PCDH9: variants seen among roughly 807,000 people sequenced by gnomAD.
PCDH9 encodes the protein protocadherin 9.
In PCDH9, 24 loss-of-function variants were observed where a neutral mutation model predicts 70.6. That is an observed-to-expected ratio of 0.34 (90% confidence interval 0.25 to 0.48). The LOEUF is 0.48. Ranked by LOEUF, PCDH9 falls within the 20% of genes least tolerant of loss-of-function variation. PCDH9 has a pLI of 0.99. For synonymous variants in PCDH9, 562 were observed against 558.5 expected, an observed-to-expected ratio of 1.01 and a Z score of -0.09; for missense variants, 1,281 against 1,503.6, an observed-to-expected ratio of 0.85 and a Z score of 2.45.
chr13:66,306,358 C>G (rs1432459947), intron 4 of PCDH9: 1 of 150,144 alleles, frequency 6.7e-6, no homozygotes, highest in South Asian at 2.1e-4. Flanking sequence ...AGACAGGAAA[C>G]AGTTGATGGT....
chr13:66,740,510 T>C (rs1331385738), intron 3 of PCDH9, among the ~76,000 whole-genome samples: 4 of 134,928 alleles, frequency 3.0e-5, no homozygotes, highest in South Asian at 2.8e-4. Flanking sequence ...CTGAAGGAAA[T>C]AGAGACACAA....
chr13:67,224,701 T>C, intron 2 of PCDH9: 1 of 469,408 alleles, frequency 2.1e-6, no homozygotes, highest in Non-Finnish European at 2.8e-6. Flanking sequence ...CTTTTCTTTT[T>C]AAATCAGTTA....
intron 4 of PCDH9, among the ~76,000 whole-genome samples, chr13:66,393,427 T>A (rs1454981900): frequency 6.6e-6 from 1 of 152,124 alleles, no homozygotes; most frequent in Non-Finnish European, 1.5e-5. Flanking sequence ...GGAAAGAAGC[T>A]GGCACAGTGG....
At chr13:66,690,803 A>G (rs1035083785) in intron 3 of PCDH9, among the ~76,000 whole-genome samples, 3 of 152,142 alleles carry the variant, frequency 2.0e-5, no homozygotes, top group Admixed American at 6.5e-5. Flanking sequence ...TGAAATATAT[A>G]TTAGTCTCTA....
chr13:66,397,308 A>G (rs1280080104), intron 4 of PCDH9, among the ~76,000 whole-genome samples: 1 of 152,002 alleles, frequency 6.6e-6, no homozygotes, highest in Non-Finnish European at 1.5e-5. Context: ...TGTCTCAGCT[A>G]CTTTGGAAGC....
chr13:67,128,572 C>A (rs2087034267), intron 2 of PCDH9, among the ~76,000 whole-genome samples: 1 of 152,138 alleles, frequency 6.6e-6, no homozygotes, highest in Non-Finnish European at 1.5e-5. Context: ...TAATTAATAT[C>A]ACTCAGTGGG....
chr13:66,786,900 C>G (rs899534027), intron 3 of PCDH9, among the ~76,000 whole-genome samples: 2 of 152,034 alleles, frequency 1.3e-5, no homozygotes, highest in African/African-American at 4.8e-5. Context: ...AAATAAAACA[C>G]AACTGATTAT....
intron 2 of PCDH9, among the ~76,000 whole-genome samples, chr13:67,187,402 G>T (rs1356149086): frequency 2.0e-5 from 3 of 152,158 alleles, no homozygotes; most frequent in Non-Finnish European, 4.4e-5. Flanking sequence ...ATATAGTATG[G>T]CTTGCTATAA....
At chr13:66,620,352 T>G (rs956242648) in intron 4 of PCDH9, among the ~76,000 whole-genome samples, 1 of 152,210 alleles carries the variant, frequency 6.6e-6, no homozygotes, top group African/African-American at 2.4e-5. Context: ...GTTAAGTATC[T>G]GAGACTTAAA....
chr13:67,213,939 A>G (rs561880161), intron 2 of PCDH9: 1 of 152,326 alleles, frequency 6.6e-6, no homozygotes, highest in African/African-American at 2.4e-5. Context: ...TTTAGTTGAT[A>G]AAGTTAATTG....
chr13:66,421,983 AG>A, intron 4 of PCDH9, among the ~76,000 whole-genome samples: 1 of 152,232 alleles, frequency 6.6e-6, no homozygotes, highest in Non-Finnish European at 1.5e-5. Flanking sequence ...GAAAATGGAA[AG>A]CAAATAAAAA....
intron 3 of PCDH9, among the ~76,000 whole-genome samples, chr13:66,641,950 A>G (rs1006641428): frequency 3.3e-5 from 5 of 152,182 alleles, no homozygotes; most frequent in Non-Finnish European, 7.4e-5. Context: ...TTCAATGAAA[A>G]TATTGTTTGC....
At chr13:66,968,684 C>T (rs1403024408) in intron 2 of PCDH9, among the ~76,000 whole-genome samples, 3 of 152,000 alleles carry the variant, frequency 2.0e-5, no homozygotes, top group African/African-American at 7.2e-5. Flanking sequence ...ACCTATCATA[C>T]ATTAAAATCA....
At chr13:67,122,855 AG>A (rs1314394393) in intron 2 of PCDH9, among the ~76,000 whole-genome samples, 1 of 151,604 alleles carries the variant, frequency 6.6e-6, no homozygotes. Flanking sequence ...ACAGTTTTCC[AG>A]GGAAATCAGA....
intron 2 of PCDH9, among the ~76,000 whole-genome samples, chr13:66,946,515 A>G (rs1199919130): frequency 6.6e-6 from 1 of 152,086 alleles, no homozygotes; most frequent in African/African-American, 2.4e-5. Context: ...AATTTTTTAA[A>G]AAGATTTTTA....
intron 2 of PCDH9, among the ~76,000 whole-genome samples, chr13:66,967,781 G>A (rs574619775): frequency 5.9e-5 from 9 of 151,958 alleles, no homozygotes; most frequent in East Asian, 3.9e-4. Context: ...TACATTTACC[G>A]GATAATTAGA....
chr13:66,640,775 ATGCTCATGAC>A (rs2077698516), intron 3 of PCDH9, among the ~76,000 whole-genome samples: 5 of 152,240 alleles, frequency 3.3e-5, no homozygotes, highest in Admixed American at 1.3e-4. Flanking sequence ...TGTTTAAAAA[ATGCTCATGAC>A]GGATTGTTAA....
intron 3 of PCDH9, among the ~76,000 whole-genome samples, chr13:66,694,274 C>A (rs565465002): frequency 6.6e-6 from 1 of 152,272 alleles, no homozygotes; most frequent in Non-Finnish European, 1.5e-5. Context: ...TGGCTGTGCA[C>A]AGCATTGGCC....
chr13:67,102,016 A>C (rs774108794), intron 2 of PCDH9, among the ~76,000 whole-genome samples: 4 of 152,158 alleles, frequency 2.6e-5, no homozygotes, highest in Non-Finnish European at 4.4e-5. Flanking sequence ...TAGTCCTAGT[A>C]TTTATAGGAG....
Sources: gnomAD v4.1 joint callset for allele counts (sites outside exome capture counted in the v4.1 genomes callset) on GRCh38, gnomAD v4.1.1 for gene constraint, MANE v1.5 for transcripts, NCBI Gene and HGNC (gene_info 2026-07-23, HGNC 2026-07-21) for gene names.